Variants in PRSS3 observed in about 807,000 individuals in gnomAD.
PRSS3 encodes serine protease 3, also known as trypsin-3.
A neutral mutation model predicts 20.8 loss-of-function variants in PRSS3; 14 were observed. The ratio of observed to expected loss-of-function variants is 0.67; its 90% confidence interval spans 0.44 to 1.05. The LOEUF (loss-of-function observed/expected upper bound fraction) is 1.05. Ranked by LOEUF, PRSS3 falls within the 50% of genes least tolerant of loss-of-function variation. The pLI, the probability that PRSS3 is intolerant of heterozygous loss-of-function variation, is 0.00. For missense variants in PRSS3, 237 were observed against 306.4 expected (o/e 0.77, Z 1.69); for synonymous variants, 91 against 117.6 (o/e 0.77, Z 1.46).
upstream of PRSS3, chr9:33,794,722 C>A: frequency 6.5e-7 from 1 of 1,534,156 alleles, no homozygotes. Flanking sequence ...GCAGGTGAGT[C>A]AGTTTGCATC....
At chr9:33,793,989 G>A (rs1266811286), upstream of PRSS3, among the ~76,000 whole-genome samples, 1 of 152,256 alleles carries the variant, frequency 6.6e-6, no homozygotes, top group Non-Finnish European at 1.5e-5. Context: ...GGGATGTGGG[G>A]TGGAGAGCGG....
intron 1 of PRSS3, among the ~76,000 whole-genome samples, chr9:33,784,244 G>T (rs1303929123): frequency 6.6e-6 from 1 of 151,894 alleles, no homozygotes; most frequent in Non-Finnish European, 1.5e-5. Context: ...GCAAAGATTT[G>T]GAATTTAGTA....
At chr9:33,756,039 C>T (rs1204074749) in intron 1 of PRSS3, among the ~76,000 whole-genome samples, 3 of 151,978 alleles carry the variant, frequency 2.0e-5, no homozygotes, top group Non-Finnish European at 4.4e-5. Flanking sequence ...TGTAATTTTA[C>T]GCCTTTTTCT....
intron 1 of PRSS3, among the ~76,000 whole-genome samples, chr9:33,762,944 A>G (rs541819936): frequency 7.9e-5 from 12 of 152,322 alleles, no homozygotes; most frequent in Admixed American, 7.2e-4. Context: ...TTTTCAGGTA[A>G]GCCTCACAGG....
rs747749652 is a variant in PRSS3 at position 33,798,075 on chromosome 9, C to G, written c.447C>G (p.Ser149Arg). ...CLISGWGNTL[S>R]FGADYPDELK... ...TCTCCGGCTGGGGCAACACTCTGAGCTTTGGTGGTGAGTGGGACCCTTTGT... is the reference window on the plus strand; with the variant it reads ...TCTCCGGCTGGGGCAACACTCTGAGGTTTGGTGGTGAGTGGGACCCTTTGT... Residue 149 changes from serine (S) to arginine (R), a missense_variant, in exon 3 of 5, where the codon AGC becomes AGG. By Grantham distance (110) the Ser-to-Arg change is moderately radical. Coordinates refer to ENST00000379405, the MANE Select transcript of PRSS3 (RefSeq NM_002771.4). 1 of 1,483,260 alleles carries G rather than the reference C, an allele frequency of 6.7e-7. No individual in the cohort carries two copies. Among genetic ancestry groups the G allele is most frequent in the South Asian group, 1.1e-5 (1 of 87,386 alleles). The allele number at this position is 1,483,260 out of a possible 1,614,324, so 91.9% of individuals were successfully genotyped here. A position where few individuals can be genotyped will look rare whatever the true frequency, so the allele number is the denominator to read the frequency against.
At chr9:33,794,972 T>C (rs1308893699), upstream of PRSS3, 1 of 1,472,090 alleles carries the variant, frequency 6.8e-7, no homozygotes, top group Non-Finnish European at 9.1e-7. Context: ...CCCAGAATCC[T>C]ATGGAATGCT....
At chr9:33,795,523 G>A, upstream of PRSS3, 1 of 1,599,454 alleles carries the variant, frequency 6.3e-7, no homozygotes, top group South Asian at 1.1e-5. Flanking sequence ...CTGATTCTTG[G>A]AAGGGTATAA....
intron 1 of PRSS3, among the ~76,000 whole-genome samples, chr9:33,776,510 CAG>C (rs1210800739): frequency 1.3e-5 from 2 of 152,098 alleles, no homozygotes; most frequent in Non-Finnish European, 2.9e-5. Context: ...GCAATCAAAA[CAG>C]AGTACTGGCA....
chr9:33,771,059 A>G (rs775848741), intron 1 of PRSS3, among the ~76,000 whole-genome samples: 47 of 152,186 alleles, frequency 3.1e-4, no homozygotes, highest in Non-Finnish European at 5.7e-4. Flanking sequence ...CAGCCCCACA[A>G]CAAAGACCCC....
chr9:33,785,398 C>T (rs1044446486), intron 1 of PRSS3, among the ~76,000 whole-genome samples: 2 of 151,292 alleles, frequency 1.3e-5, no homozygotes, highest in African/African-American at 4.9e-5. Context: ...GGGATGGTCT[C>T]GATCTCCTGA....
upstream of PRSS3, chr9:33,795,423 G>C (rs968951247): frequency 9.1e-7 from 1 of 1,092,994 alleles, no homozygotes; most frequent in South Asian, 1.4e-5. Context: ...AAACGTAGCC[G>C]AGCTGATGCA....
chr9:33,795,876 C>T (rs191241458), intron 1 of PRSS3, among the ~76,000 whole-genome samples: 2 of 152,242 alleles, frequency 1.3e-5, no homozygotes, highest in African/African-American at 2.4e-5. Flanking sequence ...TGGGGCTGGC[C>T]CATGAAATGA....
chr9:33,776,850 T>C (rs1823956986), intron 1 of PRSS3, among the ~76,000 whole-genome samples: 1 of 151,996 alleles, frequency 6.6e-6, no homozygotes, highest in Non-Finnish European at 1.5e-5. Context: ...ATGTGTGCAA[T>C]TGGAGTAAGA....
At chr9:33,797,766 G>T in intron 2 of PRSS3, 63 bp from the exon 3 acceptor site, 1 of 1,614,028 alleles carries the variant, frequency 6.2e-7, no homozygotes, top group South Asian at 1.1e-5. Flanking sequence ...GGACCCTGGG[G>T]AAGGTGGGAG....
At chr9:33,774,159 A>G (rs1823822607) in intron 1 of PRSS3, among the ~76,000 whole-genome samples, 1 of 152,118 alleles carries the variant, frequency 6.6e-6, no homozygotes. Flanking sequence ...TAGAAGTCCA[A>G]ATTTTTATTG....
intron 1 of PRSS3, among the ~76,000 whole-genome samples, chr9:33,785,195 T>TTTTTA (rs1824344928): frequency 1.1e-5 from 1 of 89,970 alleles, no homozygotes; most frequent in South Asian, 4.1e-4. Flanking sequence ...TTTTTTTTTT[T>TTTTTA]GAGACGGAGT....
At chr9:33,773,536 A>G (rs1823793101) in intron 1 of PRSS3, among the ~76,000 whole-genome samples, 1 of 152,230 alleles carries the variant, frequency 6.6e-6, no homozygotes, top group Non-Finnish European at 1.5e-5. Flanking sequence ...AAAACATTCA[A>G]TCCTCCCCTC....
chr9:33,766,622 A>C (rs1443273354), intron 1 of PRSS3, among the ~76,000 whole-genome samples: 1 of 152,144 alleles, frequency 6.6e-6, no homozygotes, highest in Non-Finnish European at 1.5e-5. Flanking sequence ...GTGCTGATAC[A>C]TGCTATACCA....
chr9:33,753,913 A>G (rs1236791006), intron 1 of PRSS3, among the ~76,000 whole-genome samples: 1 of 152,180 alleles, frequency 6.6e-6, no homozygotes, highest in Non-Finnish European at 1.5e-5. Flanking sequence ...CATCTGAGAC[A>G]GGTTCCTTGT....
Sources: allele counts gnomAD v4.1 joint callset (sites outside exome capture counted in the v4.1 genomes callset), GRCh38; gene constraint gnomAD v4.1.1; transcripts MANE v1.5; gene names NCBI Gene and HGNC (gene_info 2026-07-23, HGNC 2026-07-21).